Variants in CNTN5 observed in about 807,000 individuals in gnomAD.
CNTN5 encodes contactin-5.
In CNTN5, 77 loss-of-function variants were observed where a neutral mutation model predicts 129.1. The observed-to-expected ratio is 0.60, with a 90% confidence interval of 0.50 to 0.72. CNTN5 has a LOEUF of 0.72. Ranked by LOEUF, CNTN5 falls within the 30% of genes least tolerant of loss-of-function variation. CNTN5 has a pLI of 0.00. For synonymous variants in CNTN5, 509 were observed against 465.6 expected (o/e 1.09, Z -1.20); for missense variants, 1,478 against 1,328.8 (o/e 1.11, Z -1.75).
intron 2 of CNTN5, among the ~76,000 whole-genome samples, chr11:99,490,318 C>T (rs1490216985): frequency 6.6e-6 from 1 of 151,974 alleles, no homozygotes; most frequent in Admixed American, 6.6e-5. Flanking sequence ...AATTTTTTTT[C>T]TCCACACCAT....
At chr11:99,504,991 A>G (rs999127699) in intron 2 of CNTN5, among the ~76,000 whole-genome samples, 1 of 152,204 alleles carries the variant, frequency 6.6e-6, no homozygotes, top group Non-Finnish European at 1.5e-5. Flanking sequence ...AATATTTTGC[A>G]GCCACTTAAT....
At chr11:99,280,477 C>T (rs2135886431) in intron 1 of CNTN5, among the ~76,000 whole-genome samples, 1 of 151,530 alleles carries the variant, frequency 6.6e-6, no homozygotes, top group African/African-American at 2.4e-5. Context: ...AAAAGGTACA[C>T]ATTCAATGAA....
chr11:99,575,038 T>C (rs1949299393), intron 3 of CNTN5, among the ~76,000 whole-genome samples: 1 of 152,188 alleles, frequency 6.6e-6, no homozygotes. Context: ...CATTATTTCC[T>C]TCTCTGTAAC....
chr11:99,163,890 A>T, intron 1 of CNTN5, among the ~76,000 whole-genome samples: 1 of 152,226 alleles, frequency 6.6e-6, no homozygotes, highest in Non-Finnish European at 1.5e-5. Flanking sequence ...TTGGAGGTGA[A>T]AACAATGCAG....
chr11:99,241,262 G>C (rs755531469), intron 1 of CNTN5, among the ~76,000 whole-genome samples: 4 of 147,284 alleles, frequency 2.7e-5, no homozygotes, highest in Non-Finnish European at 6.0e-5. Flanking sequence ...TATTTGCAGA[G>C]TTGCTAACAA....
At chr11:99,425,689 G>T (rs760499256) in intron 2 of CNTN5, among the ~76,000 whole-genome samples, 10 of 152,258 alleles carry the variant, frequency 6.6e-5, no homozygotes, top group Non-Finnish European at 1.0e-4. Flanking sequence ...CAAGGGCAGG[G>T]GTTGCTTCCT....
chr11:99,470,774 T>A (rs1565209804), intron 2 of CNTN5, among the ~76,000 whole-genome samples: 1 of 151,142 alleles, frequency 6.6e-6, no homozygotes, highest in African/African-American at 2.4e-5. Flanking sequence ...GCCTAAATTT[T>A]TAATTTACAA....
intron 2 of CNTN5, among the ~76,000 whole-genome samples, chr11:99,415,410 A>G (rs1165437970): frequency 6.6e-6 from 1 of 152,152 alleles, no homozygotes; most frequent in East Asian, 1.9e-4. Flanking sequence ...CCTCTCTGTG[A>G]GGCATTCTCT....
intron 8 of CNTN5, among the ~76,000 whole-genome samples, chr11:99,971,605 C>T (rs1238286644): frequency 5.3e-5 from 8 of 151,884 alleles, no homozygotes; most frequent in Admixed American, 4.6e-4. Context: ...AATGCCAGCC[C>T]TAACTCGATC....
chr11:99,831,975 T>A (rs1001126347), intron 4 of CNTN5, among the ~76,000 whole-genome samples: 2 of 152,168 alleles, frequency 1.3e-5, no homozygotes, highest in African/African-American at 4.8e-5. Context: ...CAACTTCCAA[T>A]GGCCAACCAC....
chr11:99,029,386 C>A, intron 1 of CNTN5, among the ~76,000 whole-genome samples: 1 of 151,752 alleles, frequency 6.6e-6, no homozygotes, highest in East Asian at 1.9e-4. Context: ...ATACCATATG[C>A]TTTTGGGGAT....
chr11:100,089,228 T>C (rs1944663789), intron 13 of CNTN5, among the ~76,000 whole-genome samples: 1 of 152,122 alleles, frequency 6.6e-6, no homozygotes, highest in South Asian at 2.1e-4. Flanking sequence ...AGATTCTGGA[T>C]GTTAGACCTT....
At chr11:99,226,081 A>G (rs1400839005) in intron 1 of CNTN5, among the ~76,000 whole-genome samples, 1 of 152,230 alleles carries the variant, frequency 6.6e-6, no homozygotes, top group African/African-American at 2.4e-5. Context: ...AGCAAATTTA[A>G]GAGATCATGA....
chr11:99,783,818 T>G (rs1009522046), intron 3 of CNTN5, among the ~76,000 whole-genome samples: 9 of 150,860 alleles, frequency 6.0e-5, no homozygotes, highest in Admixed American at 1.3e-4. Context: ...TGGGGACTGT[T>G]GTGGGGTGGG....
chr11:99,673,590 T>A (rs58722903), intron 3 of CNTN5, among the ~76,000 whole-genome samples: 5,867 of 152,102 alleles, frequency 0.039, 371 homozygotes, highest in African/African-American at 0.13. Flanking sequence ...ATCCTCTCCC[T>A]CCTCCCACCA....
intron 9 of CNTN5, among the ~76,000 whole-genome samples, chr11:100,006,996 A>G (rs12284114): frequency 0.37 from 56,213 of 151,802 alleles, 11,686 homozygotes; most frequent in African/African-American, 0.56. Context: ...CTACATCAGA[A>G]CTCTTGGGTA....
chr11:99,539,306 G>T (rs1054826416), intron 2 of CNTN5, among the ~76,000 whole-genome samples: 2 of 151,944 alleles, frequency 1.3e-5, no homozygotes, highest in Non-Finnish European at 2.9e-5. Context: ...AATATTAAAA[G>T]CTTAGTCTTA....
chr11:99,901,818 A>T (rs1230224487), intron 6 of CNTN5, among the ~76,000 whole-genome samples: 2 of 152,218 alleles, frequency 1.3e-5, no homozygotes, highest in Non-Finnish European at 2.9e-5. Flanking sequence ...TGCTGGATAC[A>T]AGGATACATA....
chr11:99,912,413 C>T (rs891958555), intron 6 of CNTN5, among the ~76,000 whole-genome samples: 1 of 151,760 alleles, frequency 6.6e-6, no homozygotes, highest in African/African-American at 2.4e-5. Flanking sequence ...AAAAGTTGGC[C>T]CAAGTAGGTA....
Sources: gnomAD v4.1 joint callset for allele counts (sites outside exome capture counted in the v4.1 genomes callset) on GRCh38, gnomAD v4.1.1 for gene constraint, MANE v1.5 for transcripts, NCBI Gene and HGNC (gene_info 2026-07-23, HGNC 2026-07-21) for gene names.